The following NECAP1 variants were observed in gnomAD, a reference collection of about 807,000 sequenced individuals.
The protein encoded by NECAP1 is NECAP endocytosis associated 1.
A neutral mutation model predicts 33.4 loss-of-function variants in NECAP1; 13 were observed. The ratio of observed to expected loss-of-function variants is 0.39; its 90% CI spans 0.25 to 0.62. The LOEUF is 0.62. Among genes scored for constraint, NECAP1 ranks in the 20% least tolerant of loss-of-function variants. The probability of loss-of-function intolerance (pLI) is 0.52; values close to 1 mark genes in which losing one functional copy is unlikely to be tolerated. For synonymous variants in NECAP1, 109 were observed against 125.2 expected, an observed-to-expected ratio of 0.87 and a Z score of 0.86; for missense variants, 272 against 347.4, an observed-to-expected ratio of 0.78 and a Z score of 1.73.
Position 8,082,396 on chromosome 12 carries a change from A to C in NECAP1, c.95+13A>C, listed in dbSNP as rs767112337. 8 of 1,611,222 alleles carry C rather than the reference A, an allele frequency of 5.0e-6. No homozygotes were observed. The South Asian group carries it at 6.6e-5, about 13-fold the overall frequency. On this transcript the variant is annotated intron_variant, in intron 1 of 7. Coordinates refer to ENST00000339754, the MANE Select transcript of NECAP1 (RefSeq NM_015509.4). ...ACCGCGGTTACAGGTACTAACCCCG[A>C]GGCGCTGCCGCACACGCGTACTCTG...
intron 1 of NECAP1, among the ~76,000 whole-genome samples, chr12:8,086,864 G>C (rs374892147): frequency 3.3e-5 from 5 of 151,756 alleles, no homozygotes; most frequent in Non-Finnish European, 2.9e-5. Context: ...GCTTGAACCC[G>C]AGGTTGCAGT....
At chr12:8,085,612 T>C (rs186714325) in intron 1 of NECAP1, among the ~76,000 whole-genome samples, 213 of 152,144 alleles carry the variant, frequency 1.4e-3, no homozygotes, top group Admixed American at 3.5e-3. Flanking sequence ...ATCACCACTT[T>C]TGAATGTTAG....
chr12:8,094,807 C>T (rs1947580506), intron 6 of NECAP1: 1 of 152,204 alleles, frequency 6.6e-6, no homozygotes, highest in South Asian at 2.1e-4. Flanking sequence ...ATGGATCCAC[C>T]ATCATTTCAG....
intron 4 of NECAP1, 165 bp downstream of exon 4, chr12:8,092,015 T>C: frequency 1.6e-6 from 1 of 631,704 alleles, no homozygotes; most frequent in Non-Finnish European, 2.8e-6. Flanking sequence ...GTCATCTTTG[T>C]ATCTATTCTG....
Position 8,091,453 on chromosome 12 carries a change from G to A in NECAP1, c.302-316G>A. ...TCCTGCAACTAGACGGGGGTGATGG[G>A]AGACAGTGACAGATCATCAGGCATC... On this transcript the variant is annotated intron_variant, in intron 3 of 7. Coordinates refer to ENST00000339754, the MANE Select transcript of NECAP1 (RefSeq NM_015509.4). 3 of 333,164 alleles carry A rather than the reference G, an allele frequency of 9.0e-6. No homozygotes were observed. In the South Asian group the frequency reaches 1.2e-4, roughly 13 times the overall value. 20.6% of individuals were successfully genotyped at this position (333,164 alleles called of 1,614,324 possible). A position where few individuals can be genotyped will look rare whatever the true frequency, so the allele number is the denominator to read the frequency against.
chr12:8,091,145 A>G (rs1313420193), intron 3 of NECAP1: 1 of 153,138 alleles, frequency 6.5e-6, no homozygotes, highest in Non-Finnish European at 1.5e-5. Flanking sequence ...TTGGTCTATG[A>G]GAAGATATTT....
chr12:8,094,093 G>A (rs1202504677), intron 6 of NECAP1, among the ~76,000 whole-genome samples: 1 of 152,188 alleles, frequency 6.6e-6, no homozygotes, highest in Admixed American at 6.5e-5. Context: ...GGACAGTGCA[G>A]ATAATTTGTT....
At chr12:8,084,203 T>A (rs2120456461) in intron 1 of NECAP1, among the ~76,000 whole-genome samples, 1 of 152,340 alleles carries the variant, frequency 6.6e-6, no homozygotes, top group South Asian at 2.1e-4. Flanking sequence ...TTATGCTTGC[T>A]GACCTGTGCG....
At chr12:8,093,602 G>C (rs12307073) in intron 6 of NECAP1, 1 of 153,544 alleles carries the variant, frequency 6.5e-6, no homozygotes, top group African/African-American at 2.4e-5. Flanking sequence ...GGTGGTGCAC[G>C]CCTGTAGACC....
intron 4 of NECAP1, 140 bp from the exon 5 acceptor site, chr12:8,092,535 TC>T (rs2120484995): frequency 3.2e-6 from 2 of 621,382 alleles, no homozygotes; most frequent in Non-Finnish European, 5.5e-6. Context: ...TTGGCTTTTT[TC>T]CCTTCTGTTT....
chr12:8,085,240 A>C (rs1947476478), intron 1 of NECAP1, among the ~76,000 whole-genome samples: 1 of 152,206 alleles, frequency 6.6e-6, no homozygotes, highest in Middle Eastern at 3.4e-3. Flanking sequence ...GGCTGGTCTC[A>C]AACTCTTGAC....
In NECAP1 at chr12:8,093,054, A is replaced by T. The variant is rs765978806; in HGVS notation, c.675A>T (p.Ala225=). The T allele has an allele frequency of 6.2e-7, 1 of 1,613,522 alleles. No homozygotes were observed. The highest frequency in any genetic ancestry group is 8.5e-7 in the Non-Finnish European group (1 of 1,179,510). ...IPKSNHGGSD[A]DILLDLDSPA... is the part of the protein sequence containing the mutation. ...AATCTAACCATGGAGGCAGTGATGCAGGTAAATCTAGTACTTCTAATTTTG... is the reference window on the plus strand; with the variant it reads ...AATCTAACCATGGAGGCAGTGATGCTGGTAAATCTAGTACTTCTAATTTTG... The change falls in exon 6 of 8, where the codon GCA becomes GCT. Residue 225 remains alanine, a splice_region_variant and synonymous_variant. Transcript: ENST00000339754.
At position 8,097,594 on chromosome 12, in the gene NECAP1, G is replaced by C. The variant is rs1328323362; in HGVS notation, c.*1504G>C. 1 of 152,550 alleles carries C rather than the reference G, an allele frequency of 6.6e-6. No homozygotes were observed. The highest frequency in any genetic ancestry group is 1.5e-5 in the Non-Finnish European group (1 of 68,016). 9.4% of individuals were successfully genotyped at this position (152,550 alleles called of 1,614,324 possible). On this transcript the variant is annotated 3_prime_UTR_variant, in exon 8 of 8. Coordinates refer to ENST00000339754, the MANE Select transcript of NECAP1 (RefSeq NM_015509.4). Reference sequence around the variant, plus strand: ...AAGGAAAGTCTGTGGAATCACTAGTGACTAAATACTGGGAACCTATTTTCT... The same window carrying C: ...AAGGAAAGTCTGTGGAATCACTAGTCACTAAATACTGGGAACCTATTTTCT...
intron 6 of NECAP1, 171 bp downstream of exon 6, chr12:8,093,226 A>G (rs941287584): frequency 2.8e-5 from 17 of 602,568 alleles, no homozygotes; most frequent in Non-Finnish European, 4.8e-5. Flanking sequence ...ACTAAGAGTC[A>G]TAGTATCTCA....
intron 1 of NECAP1, among the ~76,000 whole-genome samples, chr12:8,085,686 C>CTTCTTTTTTTTTTTTTTTTTTT (rs1947481617): frequency 9.5e-6 from 1 of 104,810 alleles, no homozygotes; most frequent in African/African-American, 4.2e-5. Context: ...ACTTAATCTT[C>CTTCTTTTTTTTTTTTTTTTTTT]TTTTTTTTTT....
At chr12:8,087,490 C>T (rs1055111787) in intron 1 of NECAP1, among the ~76,000 whole-genome samples, 1 of 149,844 alleles carries the variant, frequency 6.7e-6, no homozygotes, top group African/African-American at 2.5e-5. Flanking sequence ...GGAACTCATC[C>T]AAGAAAAACA....
intron 6 of NECAP1, chr12:8,094,610 G>A (rs1313926926): frequency 1.3e-5 from 2 of 152,184 alleles, no homozygotes; most frequent in African/African-American, 4.8e-5. Flanking sequence ...GGGACTACAG[G>A]TGCACACTGC....
chr12:8,083,688 A>G (rs1158704199), intron 1 of NECAP1, among the ~76,000 whole-genome samples: 1 of 147,708 alleles, frequency 6.8e-6, no homozygotes, highest in Non-Finnish European at 1.5e-5. Flanking sequence ...TTGGCCTCCC[A>G]TAGTACTGGG....
chr12:8,083,088 C>G (rs1262383978), intron 1 of NECAP1: 1 of 152,192 alleles, frequency 6.6e-6, no homozygotes, highest in East Asian at 1.9e-4. Flanking sequence ...TCTCCTACAC[C>G]TTTTCCCTCC....
Sources: gnomAD v4.1 joint callset for allele counts (sites outside exome capture counted in the v4.1 genomes callset) on GRCh38, gnomAD v4.1.1 for gene constraint, MANE v1.5 for transcripts, NCBI Gene and HGNC (gene_info 2026-07-23, HGNC 2026-07-21) for gene names.